Variants in SUSD1 observed in about 807,000 individuals in gnomAD.
SUSD1 encodes sushi domain-containing protein 1.
Under a neutral mutation model 86.9 loss-of-function variants are expected in SUSD1, and 65 were observed. That is an observed-to-expected ratio of 0.75 (90% CI 0.61 to 0.92). The LOEUF (loss-of-function observed/expected upper bound fraction) is 0.92. SUSD1 is among the 40% of genes least tolerant of loss of function. The pLI is 0.00. For missense variants in SUSD1, 850 were observed against 929.7 expected, an observed-to-expected ratio of 0.91 and a Z score of 1.11; for synonymous variants, 346 against 350.0, an observed-to-expected ratio of 0.99 and a Z score of 0.13.
rs188600593 is a variant in SUSD1 at position 112,143,464 on chromosome 9, A to G, written c.526+7T>C. 3.6e-4 allele frequency: 579 copies of G among 1,608,972 alleles called. No individual in the cohort carries two copies. The highest frequency in any genetic ancestry group is 2.8e-3 in the Middle Eastern group (17 of 6,018). ...TTGAGATGCCGCAATTTTTGGCAGA[A>G]ACCCACCTGTGCATGATGTGGCATC... On this transcript the variant is annotated splice_region_variant and intron_variant, in intron 4 of 16. Coordinates refer to ENST00000374270, the MANE Select transcript of SUSD1 (RefSeq NM_022486.5).
intron 15 of SUSD1, among the ~76,000 whole-genome samples, chr9:112,046,486 A>T (rs1266043983): frequency 1.3e-5 from 2 of 152,204 alleles, no homozygotes; most frequent in African/African-American, 4.8e-5. Flanking sequence ...CAAGAGAGCT[A>T]GTGCTCAGGA....
intron 11 of SUSD1, 67 bp from the exon 12 acceptor site, chr9:112,078,791 C>CCCTTTT: frequency 1.1e-5 from 15 of 1,328,626 alleles, no homozygotes; most frequent in South Asian, 2.8e-5. Flanking sequence ...TTGAAACCTC[C>CCCTTTT]CCTTTTCCTT....
rs1408126256 is a variant in SUSD1, at chr9:112,051,418, T to C, written c.2149+981A>G. Among the ~76,000 whole-genome samples, 8 of 120,754 alleles carry C rather than the reference T, an allele frequency of 6.6e-5. No individual in the cohort carries two copies. The South Asian group carries it at 8.7e-4, about 13-fold the overall frequency. The allele number at this position is 120,754 out of a possible 152,430, so 79.2% of individuals were successfully genotyped here. On this transcript the variant is annotated intron_variant, in intron 15 of 16. Coordinates refer to ENST00000374270, the MANE Select transcript of SUSD1 (RefSeq NM_022486.5). ...AGAAGTTTTTCTTTTCTTTTTTTTTTTTTTTTTTTTTTTTTGTTGTTGTTG... is the reference window on the plus strand; with the variant it reads ...AGAAGTTTTTCTTTTCTTTTTTTTTCTTTTTTTTTTTTTTTGTTGTTGTTG...
chr9:112,063,227 T>C (rs1477043514), intron 12 of SUSD1, among the ~76,000 whole-genome samples, 194 bp from the exon 13 acceptor site: 1 of 152,160 alleles, frequency 6.6e-6, no homozygotes, highest in Non-Finnish European at 1.5e-5. Context: ...TTCTCTATCA[T>C]TCCACTTAGA....
At chr9:112,079,759 C>T (rs146225189) in intron 11 of SUSD1, among the ~76,000 whole-genome samples, 110 of 152,158 alleles carry the variant, frequency 7.2e-4, no homozygotes, top group Admixed American at 1.1e-3. Context: ...TGCGCCACTA[C>T]GCTCGGCTAA....
At chr9:112,124,667 T>C (rs1485185646) in intron 5 of SUSD1, among the ~76,000 whole-genome samples, 4 of 152,242 alleles carry the variant, frequency 2.6e-5, no homozygotes, top group African/African-American at 7.2e-5. Context: ...AAAGAATTCA[T>C]TGATCTATGA....
chr9:112,070,207 T>C (rs1829203157), intron 12 of SUSD1, among the ~76,000 whole-genome samples: 2 of 152,112 alleles, frequency 1.3e-5, no homozygotes, highest in South Asian at 2.1e-4. Context: ...GGTTTCTCCA[T>C]GTTGGCCAGG....
chr9:112,169,581 A>G (rs1833955110), intron 1 of SUSD1, among the ~76,000 whole-genome samples: 1 of 149,176 alleles, frequency 6.7e-6, no homozygotes. Flanking sequence ...TTTACGCCAC[A>G]CCCTACGGTT....
chr9:112,166,019 G>GCAAAGAC (rs766323447), intron 1 of SUSD1, among the ~76,000 whole-genome samples: 69 of 144,878 alleles, frequency 4.8e-4, no homozygotes, highest in Non-Finnish European at 8.7e-4. Flanking sequence ...AAGTATAACC[G>GCAAAGAC]CAAAGACAGT....
chr9:112,163,186 G>A (rs942548373), intron 1 of SUSD1, among the ~76,000 whole-genome samples: 15 of 151,924 alleles, frequency 9.9e-5, no homozygotes, highest in East Asian at 1.9e-4. Flanking sequence ...TCACTCTGTC[G>A]CCTCTGTCAC....
intron 5 of SUSD1, among the ~76,000 whole-genome samples, chr9:112,133,719 A>T (rs961392513): frequency 6.6e-5 from 10 of 152,340 alleles, no homozygotes; most frequent in African/African-American, 2.2e-4. Flanking sequence ...GACAAGTGAG[A>T]CCTAATTAAA....
chr9:112,045,724 C>T (rs1827928054), intron 15 of SUSD1, among the ~76,000 whole-genome samples: 1 of 152,170 alleles, frequency 6.6e-6, no homozygotes, highest in Non-Finnish European at 1.5e-5. Context: ...TACAAAGTTC[C>T]TTGTTCTTTG....
At chr9:112,109,586 T>C (rs1215469897) in intron 8 of SUSD1, among the ~76,000 whole-genome samples, 1 of 152,214 alleles carries the variant, frequency 6.6e-6, no homozygotes, top group Non-Finnish European at 1.5e-5. Flanking sequence ...CAGCCAACTC[T>C]TCAATACAGA....
rs146611081 is a variant in SUSD1 at position 112,111,717 on chromosome 9, C to T, written c.1108G>A (p.Val370Met). 2.9e-3 allele frequency: 4,654 copies of T among 1,614,108 alleles called. 9 individuals are homozygous for T. The highest frequency in any genetic ancestry group is 6.8e-3 in the Middle Eastern group (41 of 6,062). ...LALYPGTNYTVNISTAPPRRS... is the reference protein window; with the variant it reads ...LALYPGTNYTMNISTAPPRRS... Reference sequence around the variant, plus strand: ...CTGGGAGGTGCTGTGGAGATGTTCACGGTGTAGTTGGTGCCTGGGTACAGG... The same window carrying T: ...CTGGGAGGTGCTGTGGAGATGTTCATGGTGTAGTTGGTGCCTGGGTACAGG... Residue 370 changes from valine to methionine, a missense_variant, in exon 8 of 17, where the codon GTG (valine) becomes ATG (methionine). Transcript: ENST00000374270.
chr9:112,133,064 G>A (rs757459428), intron 5 of SUSD1, among the ~76,000 whole-genome samples: 2 of 152,194 alleles, frequency 1.3e-5, no homozygotes, highest in Non-Finnish European at 2.9e-5. Flanking sequence ...GATCACTTGA[G>A]CCCAGCAGTT....
chr9:112,124,188 G>T, intron 6 of SUSD1, 69 bp downstream of exon 6: 1 of 1,501,624 alleles, frequency 6.7e-7, no homozygotes, highest in Non-Finnish European at 9.0e-7. Context: ...CAATCAGATA[G>T]TTTTAGGCCC....
At chr9:112,053,513 C>CAAAAAAAAAAA (rs56987871) in intron 14 of SUSD1, among the ~76,000 whole-genome samples, 9 of 77,642 alleles carry the variant, frequency 1.2e-4, no homozygotes, top group African/African-American at 4.9e-4. Context: ...GACTTCGTCT[C>CAAAAAAAAAAA]AAAAAAAAAA....
chr9:112,064,782 A>G (rs1828899833), intron 12 of SUSD1, among the ~76,000 whole-genome samples: 2 of 151,236 alleles, frequency 1.3e-5, no homozygotes, highest in African/African-American at 4.9e-5. Context: ...AGGCAGAGGC[A>G]GGAGAATCGC....
At chr9:112,152,075 C>T (rs1199838488) in intron 2 of SUSD1, among the ~76,000 whole-genome samples, 16 of 144,466 alleles carry the variant, frequency 1.1e-4, no homozygotes, top group South Asian at 9.0e-4. Flanking sequence ...TGGTGGTGCA[C>T]GCCTGTAATC....
Sources: gnomAD v4.1 joint callset for allele counts (sites outside exome capture counted in the v4.1 genomes callset) on GRCh38, gnomAD v4.1.1 for gene constraint, MANE v1.5 for transcripts, NCBI Gene and HGNC (gene_info 2026-07-23, HGNC 2026-07-21) for gene names.